Variants in GALNT7 observed in about 807,000 individuals in gnomAD.
The protein encoded by GALNT7 is polypeptide N-acetylgalactosaminyltransferase 7.
A neutral mutation model predicts 82.1 loss-of-function variants in GALNT7; 60 were observed. The ratio of observed to expected loss-of-function variants is 0.73; its 90% CI spans 0.59 to 0.91. GALNT7 has a LOEUF of 0.91. GALNT7 is among the 40% of genes least tolerant of loss of function. GALNT7 has a pLI of 0.00. For synonymous variants in GALNT7, 243 were observed against 275.1 expected, an observed-to-expected ratio of 0.88 and a Z score of 1.15; for missense variants, 660 against 804.2, an observed-to-expected ratio of 0.82 and a Z score of 2.17.
Position 173,184,152 on chromosome 4 carries a change from C to T in GALNT7, c.126+15191C>T, listed in dbSNP as rs28507829. On this transcript the variant is annotated intron_variant, in intron 1 of 11. Transcript: ENST00000265000. ...GCAGAGGGGCTCCTCACATCCCAGA[C>T]GATGGGCGGCCAGGCAGAGACGCTC... Among the ~76,000 whole-genome samples the T allele has an allele frequency of 3.2e-3, 465 of 146,946 alleles. 3 individuals carry two copies. The highest frequency in any genetic ancestry group is 0.011 in the African/African-American group (445 of 39,428).
At chr4:173,174,173 A>G (rs926032109) in intron 1 of GALNT7, among the ~76,000 whole-genome samples, 1 of 152,044 alleles carries the variant, frequency 6.6e-6, no homozygotes, top group African/African-American at 2.4e-5. Flanking sequence ...CACACATAAT[A>G]ATGATTAAAA....
At chr4:173,270,236 C>G (rs1431301966) in intron 2 of GALNT7, among the ~76,000 whole-genome samples, 1 of 152,046 alleles carries the variant, frequency 6.6e-6, no homozygotes, top group Non-Finnish European at 1.5e-5. Flanking sequence ...GTGGCAATAA[C>G]CCTTGTAATT....
At chr4:173,228,661 TACTC>T (rs1474102295) in intron 1 of GALNT7, among the ~76,000 whole-genome samples, 2 of 152,280 alleles carry the variant, frequency 1.3e-5, no homozygotes, top group South Asian at 2.1e-4. Flanking sequence ...AAGATTTTGA[TACTC>T]ACAGCCAGAT....
At chr4:173,201,973 A>G (rs1229729072) in intron 1 of GALNT7, among the ~76,000 whole-genome samples, 1 of 152,226 alleles carries the variant, frequency 6.6e-6, no homozygotes, top group Admixed American at 6.5e-5. Context: ...TCCAAAAGAA[A>G]ACACAATAGA....
At chr4:173,209,086 A>G (rs898305099) in intron 1 of GALNT7, among the ~76,000 whole-genome samples, 1 of 152,212 alleles carries the variant, frequency 6.6e-6, no homozygotes. Flanking sequence ...ATTCTTACAT[A>G]TATTTGTGCC....
intron 6 of GALNT7, among the ~76,000 whole-genome samples, chr4:173,299,294 T>C (rs1736831626): frequency 6.6e-6 from 1 of 152,230 alleles, no homozygotes; most frequent in African/African-American, 2.4e-5. Flanking sequence ...TACCAAATTT[T>C]TTTTGGTAAA....
intron 2 of GALNT7, among the ~76,000 whole-genome samples, chr4:173,260,720 C>T (rs1445963129): frequency 6.6e-6 from 1 of 152,064 alleles, no homozygotes; most frequent in Non-Finnish European, 1.5e-5. Context: ...ACAACATAAA[C>T]AAGAGTCAAG....
intron 2 of GALNT7, among the ~76,000 whole-genome samples, chr4:173,286,517 C>G (rs1189856460): frequency 1.3e-5 from 2 of 152,226 alleles, no homozygotes; most frequent in Non-Finnish European, 2.9e-5. Context: ...AAGTTAAGTT[C>G]CTCACTTAGG....
At chr4:173,169,023 G>A in intron 1 of GALNT7, 62 bp downstream of exon 1, 4 of 1,569,124 alleles carry the variant, frequency 2.5e-6, no homozygotes, top group Non-Finnish European at 2.6e-6. Flanking sequence ...GTTTGCCCGC[G>A]TGTGGAGGGA....
intron 2 of GALNT7, among the ~76,000 whole-genome samples, chr4:173,288,017 C>G (rs1222067101): frequency 6.6e-6 from 1 of 152,092 alleles, no homozygotes; most frequent in Non-Finnish European, 1.5e-5. Context: ...GGCGCGGTGG[C>G]TCACGCCTGT....
Position 173,184,721 on chromosome 4 carries a change from A to G in GALNT7, c.126+15760A>G, listed in dbSNP as rs372049310. 2.9e-4 allele frequency among the ~76,000 whole-genome samples: 43 copies of G among 149,972 alleles called. 1 individual carries two copies. The East Asian group carries it at 5.2e-3, about 18-fold the overall frequency. On this transcript the variant is annotated intron_variant, in intron 1 of 11. Transcript: ENST00000265000. The stretch of plus-strand genomic sequence containing the variant: ...AATCAAATCAAATTTAAATTACTAT[A>G]TGGAACAACTTCCTGATAATGTAAA...
At chr4:173,275,269 C>T (rs546489337) in intron 2 of GALNT7, among the ~76,000 whole-genome samples, 4 of 152,288 alleles carry the variant, frequency 2.6e-5, no homozygotes, top group African/African-American at 4.8e-5. Flanking sequence ...GGTCCAATGA[C>T]GATGTGACCT....
chr4:173,240,820 T>C (rs900591224), intron 1 of GALNT7, among the ~76,000 whole-genome samples: 2 of 152,230 alleles, frequency 1.3e-5, no homozygotes, highest in Admixed American at 1.3e-4. Flanking sequence ...TCAATGATTT[T>C]AAATTCTTAG....
Position 173,182,661 on chromosome 4 carries a change from TACACACACAC to T in GALNT7, c.126+13726_126+13735del, listed in dbSNP as rs60501649. The stretch of plus-strand genomic sequence containing the variant: ...GATGAGGCAAGCAGGTTACTCATAA[TACACACACAC>T]ACACACACACACACACACACACACA... On this transcript the variant is annotated intron_variant, in intron 1 of 11. Transcript: ENST00000265000. 6.9e-4 allele frequency among the ~76,000 whole-genome samples: 92 copies of T among 133,530 alleles called. No individual in the cohort carries two copies. The South Asian group carries it at 0.017, about 25-fold the overall frequency. 87.6% of individuals were successfully genotyped at this position (133,530 alleles called of 152,430 possible).
intron 1 of GALNT7, among the ~76,000 whole-genome samples, chr4:173,229,763 A>G (rs1369502309): frequency 6.6e-6 from 1 of 152,100 alleles, no homozygotes; most frequent in Admixed American, 6.5e-5. Context: ...CCTTCTCCTC[A>G]TCGTATTATC....
intron 9 of GALNT7, chr4:173,315,964 G>A (rs1286255480): frequency 6.6e-6 from 1 of 152,200 alleles, no homozygotes; most frequent in Non-Finnish European, 1.5e-5. Context: ...CTTGTTGCCT[G>A]GTCTAAGCCA....
chr4:173,295,060 A>G (rs1416215389), intron 3 of GALNT7, among the ~76,000 whole-genome samples: 1 of 152,228 alleles, frequency 6.6e-6, no homozygotes, highest in African/African-American at 2.4e-5. Flanking sequence ...TCAACAGCAA[A>G]CAAAATGTTG....
chr4:173,205,109 C>T (rs1055597639), intron 1 of GALNT7, among the ~76,000 whole-genome samples: 3 of 151,228 alleles, frequency 2.0e-5, no homozygotes, highest in Non-Finnish European at 4.4e-5. Context: ...CTGGGTCTGT[C>T]GGGTTGGACC....
At chr4:173,174,093 C>G (rs1731959999) in intron 1 of GALNT7, among the ~76,000 whole-genome samples, 2 of 152,176 alleles carry the variant, frequency 1.3e-5, no homozygotes, top group Admixed American at 1.3e-4. Flanking sequence ...CTCAGTTTCC[C>G]AGGCTATACA....
Sources: allele counts gnomAD v4.1 joint callset (sites outside exome capture counted in the v4.1 genomes callset), GRCh38; gene constraint gnomAD v4.1.1; transcripts MANE v1.5; gene names NCBI Gene and HGNC (gene_info 2026-07-23, HGNC 2026-07-21).